FBRSL1: variants seen among roughly 807,000 people sequenced by gnomAD.
FBRSL1 encodes fibrosin-1-like protein.
A neutral mutation model predicts 89.6 loss-of-function variants in FBRSL1; 51 were observed. The ratio of observed to expected loss-of-function variants is 0.57; its 90% CI spans 0.45 to 0.72. The LOEUF is 0.72. FBRSL1 is among the 30% of genes least tolerant of loss of function. The pLI is 0.00. For synonymous variants in FBRSL1, 779 were observed against 681.1 expected (o/e 1.14, Z -2.24); for missense variants, 1,618 against 1,451.8 (o/e 1.11, Z -1.86).
rs894725127 is a variant in FBRSL1, at chr12:132,583,533, C to T, written c.2764C>T (p.Leu922=). The T allele has an allele frequency of 8.6e-6, 9 of 1,046,814 alleles. No individual in the cohort carries two copies. In the African/African-American group the frequency reaches 8.7e-5, roughly 10 times the overall value. The allele number at this position is 1,046,814 out of a possible 1,614,324, so 64.8% of individuals were successfully genotyped here. ...CGCCCCCGCCTTGGACGGCGCGCTG[C>T]TGCCCTCGCTGGGAGCCCTGCACTT... The part of the protein sequence containing the change: ...PAAPALDGAL[L]PSLGALHFPR... Residue 922 remains leucine, a synonymous_variant, in exon 19 of 19, where the codon CTG becomes TTG. Transcript: ENST00000680143.
chr12:132,535,627 G>T (rs2036644247), intron 4 of FBRSL1, among the ~76,000 whole-genome samples: 1 of 152,272 alleles, frequency 6.6e-6, no homozygotes, highest in South Asian at 2.1e-4. Context: ...GGGGAAGTGA[G>T]GCTGAGGCTG....
intron 4 of FBRSL1, among the ~76,000 whole-genome samples, chr12:132,539,092 G>A (rs941827349): frequency 2.6e-5 from 4 of 151,938 alleles, no homozygotes; most frequent in Non-Finnish European, 5.9e-5. Flanking sequence ...GGTCTGTGGC[G>A]ACTTGCAAGT....
rs2040891170 is a variant in FBRSL1, at chr12:132,583,041, G to A, written c.2272G>A (p.Gly758Ser). Residue 758 changes from glycine to serine, a missense_variant, in exon 19 of 19, where the codon GGC (glycine) becomes AGC (serine). Gly to Ser is a moderately conservative substitution (Grantham distance 56). Transcript: ENST00000680143. ...CACCCCCGCTGGCCACCCCGTCAGCGGCCTCCTGCTCCGGGCCCAGAGCGA... is the reference window on the plus strand; with the variant it reads ...CACCCCCGCTGGCCACCCCGTCAGCAGCCTCCTGCTCCGGGCCCAGAGCGA... Reference protein sequence around the residue: ...PATPAGHPVSGLLLRAQSELG... With the variant: ...PATPAGHPVSSLLLRAQSELG... 5 of 1,454,432 alleles carry A rather than the reference G, an allele frequency of 3.4e-6. No individual in the cohort carries two copies. The highest frequency in any genetic ancestry group is 5.2e-5 in the Admixed American group (2 of 38,640). 90.1% of individuals were successfully genotyped at this position (1,454,432 alleles called of 1,614,324 possible).
rs551851997 is a variant in FBRSL1, at chr12:132,504,066, G to A, written c.292-4087G>A. Among the ~76,000 whole-genome samples, 7 of 152,296 alleles carry A rather than the reference G, an allele frequency of 4.6e-5. No homozygotes were observed. In the South Asian group the frequency reaches 1.4e-3, roughly 32 times the overall value. On this transcript the variant is annotated intron_variant, in intron 1 of 18. Transcript: ENST00000680143. Reference sequence around the variant, plus strand: ...GGGGAACATGGTCATCACTCTAGGTGGGAAGCAGAGGGGCCTGCCAGGGAG... The same window carrying A: ...GGGGAACATGGTCATCACTCTAGGTAGGAAGCAGAGGGGCCTGCCAGGGAG...
At chr12:132,533,033 A>G (rs1294861557) in intron 4 of FBRSL1, among the ~76,000 whole-genome samples, 2 of 152,198 alleles carry the variant, frequency 1.3e-5, no homozygotes, top group Admixed American at 6.5e-5. Flanking sequence ...CAACTTGTAC[A>G]GAAGCAATAA....
rs796693989 is a variant in FBRSL1, at chr12:132,499,528, C to T, written c.292-8625C>T. ...GGGATGGCAGTAAAGAGTCTGTCGT[C>T]GAAGGCTAGGAGTCACAGAGGAGGC... On this transcript the variant is annotated intron_variant, in intron 1 of 18. Coordinates refer to ENST00000680143, the MANE Select transcript of FBRSL1 (RefSeq NM_001367871.1). The surrounding 1 kb of genome is among the most constrained non-coding windows in gnomAD (Gnocchi z 4.3). Among the ~76,000 whole-genome samples the T allele has an allele frequency of 6.6e-6, 1 of 152,310 alleles. No homozygotes were observed. Among genetic ancestry groups the T allele is most frequent in the East Asian group, 1.9e-4 (1 of 5,186 alleles).
rs1566112067 is a variant in FBRSL1, at chr12:132,508,143, C to T, written c.292-10C>T. ...CGCCAATTAACTGGCGTTTCCCTGT[C>T]TCCCTGCAGAAGGATATGGCCCTGA... On this transcript the variant is annotated splice_polypyrimidine_tract_variant and intron_variant, in intron 1 of 18. Coordinates refer to ENST00000680143, the MANE Select transcript of FBRSL1 (RefSeq NM_001367871.1). 7 of 1,274,686 alleles carry T rather than the reference C, an allele frequency of 5.5e-6. No individual in the cohort carries two copies. The highest frequency in any genetic ancestry group is 7.8e-6 in the Non-Finnish European group (7 of 892,814). 79.0% of individuals were successfully genotyped at this position (1,274,686 alleles called of 1,614,324 possible). A position where few individuals can be genotyped will look rare whatever the true frequency, so the allele number is the denominator to read the frequency against.
At position 132,570,438 on chromosome 12, in the gene FBRSL1, G is replaced by A. The variant is rs1413560061; in HGVS notation, c.1111G>A (p.Ala371Thr). The A allele has an allele frequency of 3.3e-6, 5 of 1,534,862 alleles. No homozygotes were observed. The highest frequency in any genetic ancestry group is 4.4e-6 in the Non-Finnish European group (5 of 1,145,788). The change falls in exon 8 of 19, where the codon GCG (alanine) becomes ACG (threonine). Residue 371 changes from alanine (A) to threonine (T), a missense_variant. Physicochemically the swap from Ala to Thr is moderately conservative, Grantham distance 58. Transcript: ENST00000680143. The part of the protein sequence containing the change: ...STSHLALRSQ[A>T]QHQLHAAMFA... ...CTCACACCTGGCGCTCCGGTCCCAGGCGCAGCACCAGCTCCACGCGGCCAT... is the reference window on the plus strand; with the variant it reads ...CTCACACCTGGCGCTCCGGTCCCAGACGCAGCACCAGCTCCACGCGGCCAT...
Position 132,508,239 on chromosome 12 carries a change from C to T in FBRSL1, c.378C>T (p.Pro126=), listed in dbSNP as rs1375392550. ...AGCCCCGGGAGTCGGAAACCTGCCCCCCTGCGGAGCCCAGTGAGAACAGGC... is the reference window on the plus strand; with the variant it reads ...AGCCCCGGGAGTCGGAAACCTGCCCTCCTGCGGAGCCCAGTGAGAACAGGC... ...IKKPRESETC[P]PAEPSENRRP... The change falls in exon 2 of 19, where the codon CCC becomes CCT. Residue 126 remains proline, a synonymous_variant. Transcript: ENST00000680143. The T allele has an allele frequency of 4.5e-6, 7 of 1,550,866 alleles. No homozygotes were observed. The South Asian group carries it at 5.9e-5, about 13-fold the overall frequency.
At chr12:132,521,686 G>A (rs2035371124) in intron 2 of FBRSL1, among the ~76,000 whole-genome samples, 1 of 152,190 alleles carries the variant, frequency 6.6e-6, no homozygotes, top group African/African-American at 2.4e-5. Flanking sequence ...ATTGGTGTGA[G>A]ACTTCACCAG....
chr12:132,514,739 A>G (rs1432675501), intron 2 of FBRSL1, among the ~76,000 whole-genome samples: 1 of 152,138 alleles, frequency 6.6e-6, no homozygotes, highest in East Asian at 1.9e-4. Flanking sequence ...CTCATCCAGC[A>G]GGGGTGGGTA....
At chr12:132,580,883 A>C (rs4883546) in intron 15 of FBRSL1, 1 of 984,986 alleles carries the variant, frequency 1.0e-6, no homozygotes, top group Non-Finnish European at 1.2e-6. Flanking sequence ...GCCCGGGCCC[A>C]GGCCCCACAC....
intron 5 of FBRSL1, among the ~76,000 whole-genome samples, chr12:132,561,664 A>G (rs1043209056): frequency 5.3e-5 from 8 of 152,166 alleles, no homozygotes; most frequent in Admixed American, 1.3e-4. Flanking sequence ...CAGAGGGGGC[A>G]GTTAACAGGT....
At chr12:132,510,388 C>A in intron 2 of FBRSL1, 2 of 1,231,962 alleles carry the variant, frequency 1.6e-6, no homozygotes, top group Non-Finnish European at 2.0e-6. Flanking sequence ...TCCCGGTGGA[C>A]CCGATCCTGT....
Position 132,490,415 on chromosome 12 carries a change from C to T in FBRSL1, c.-156C>T. 2.7e-6 allele frequency: 1 copy of T among 368,572 alleles called. No individual in the cohort carries two copies. The highest frequency in any genetic ancestry group is 3.7e-6 in the Non-Finnish European group (1 of 273,666). The allele number at this position is 368,572 out of a possible 1,614,324, so 22.8% of individuals were successfully genotyped here. A position where few individuals can be genotyped will look rare whatever the true frequency, so the allele number is the denominator to read the frequency against. On this transcript the variant is annotated 5_prime_UTR_variant, in exon 1 of 19. Coordinates refer to ENST00000680143, the MANE Select transcript of FBRSL1 (RefSeq NM_001367871.1). ...GGGCTGAGCCGCCCCCCGCGCCCGGCATGCCCGGCCCGGCCCGCCGCCCGC... is the reference window on the plus strand; with the variant it reads ...GGGCTGAGCCGCCCCCCGCGCCCGGTATGCCCGGCCCGGCCCGCCGCCCGC...
chr12:132,537,962 G>T lies in FBRSL1; in HGVS notation c.615+9974G>T, dbSNP rs570717721. Among the ~76,000 whole-genome samples the T allele has an allele frequency of 3.3e-4, 50 of 152,328 alleles. No individual in the cohort carries two copies. In the Middle Eastern group the frequency reaches 0.01, roughly 31 times the overall value. On this transcript the variant is annotated intron_variant, in intron 4 of 18. Transcript: ENST00000680143. ...GTGTGCAGGCGCAGTGGCCACCACTGCACGGAGAGCTCGGGGGAGGGGCCG... is the reference window on the plus strand; with the variant it reads ...GTGTGCAGGCGCAGTGGCCACCACTTCACGGAGAGCTCGGGGGAGGGGCCG...
At chr12:132,545,242 C>G (rs890579099) in intron 4 of FBRSL1, among the ~76,000 whole-genome samples, 2 of 152,204 alleles carry the variant, frequency 1.3e-5, no homozygotes, top group East Asian at 1.9e-4. Flanking sequence ...AAACCCACAC[C>G]AGGGTGACGT....
chr12:132,572,623 G>A lies in FBRSL1; in HGVS notation c.1530+1G>A. 1 of 1,548,280 alleles carries A rather than the reference G, an allele frequency of 6.5e-7. No individual in the cohort carries two copies. The highest frequency in any genetic ancestry group is 8.7e-7 in the Non-Finnish European group (1 of 1,145,308). ...CCTGCAGGGCGCTTTTCAGCCTAAG[G>A]TACCGCTGCCCCTGGCAGGTGGGGC... On this transcript the variant is annotated splice_donor_variant, in intron 11 of 18. Coordinates refer to ENST00000680143, the MANE Select transcript of FBRSL1 (RefSeq NM_001367871.1). LOFTEE classifies it high-confidence loss of function.
chr12:132,576,034 G>A (rs1451006558), intron 14 of FBRSL1, among the ~76,000 whole-genome samples: 11 of 152,294 alleles, frequency 7.2e-5, no homozygotes, highest in Middle Eastern at 3.4e-3. Context: ...GCCTGGCAGC[G>A]TGGGCACCTG....
Sources: allele counts gnomAD v4.1 joint callset (sites outside exome capture counted in the v4.1 genomes callset), GRCh38; gene constraint gnomAD v4.1.1; non-coding constraint Gnocchi (gnomAD v3.1); transcripts MANE v1.5; gene names NCBI Gene and HGNC (gene_info 2026-07-23, HGNC 2026-07-21).